Variants in SLC34A3 observed in about 807,000 individuals in gnomAD.
The protein encoded by SLC34A3 is solute carrier family 34 member 3.
Under a neutral mutation model 43.9 loss-of-function variants are expected in SLC34A3, and 60 were observed. The ratio of observed to expected loss-of-function variants is 1.37; its 90% confidence interval spans 1.11 to 1.70. The LOEUF is 1.70. Ranked by LOEUF, SLC34A3 falls within the 40% of genes most tolerant of loss-of-function variation. SLC34A3 has a pLI of 0.00. For synonymous variants in SLC34A3, 451 were observed against 386.2 expected (o/e 1.17, Z -1.97); for missense variants, 969 against 823.8 (o/e 1.18, Z -2.16).
rs761000953 is a variant in SLC34A3, at chr9:137,232,993, C to G, written c.449-11C>G. On this transcript the variant is annotated splice_polypyrimidine_tract_variant and intron_variant, in intron 5 of 12. Transcript: ENST00000673835. ...GTGGGCCGCAGGCTGACTCAGCCCC[C>G]CCACCAGCAGTGCTGACTGTCCGGG... 6 of 1,610,730 alleles carry G rather than the reference C, an allele frequency of 3.7e-6. No individual in the cohort carries two copies. Among genetic ancestry groups the G allele is most frequent in the East Asian group, 2.2e-5 (1 of 44,786 alleles).
rs763500674 is a variant in SLC34A3 at position 137,236,438 on chromosome 9, G to A, written c.*22G>A. 1.2e-4 allele frequency: 185 copies of A among 1,530,380 alleles called. No individual in the cohort carries two copies. Among genetic ancestry groups the A allele is most frequent in the South Asian group, 6.1e-4 (51 of 83,934 alleles). 94.8% of individuals were successfully genotyped at this position (1,530,380 alleles called of 1,614,324 possible). A position where few individuals can be genotyped will look rare whatever the true frequency, so the allele number is the denominator to read the frequency against. On this transcript the variant is annotated 3_prime_UTR_variant, in exon 13 of 13. Transcript: ENST00000673835. ...GTGACGGGCAGTTGCTGAGCAGACCGCCCCACCCTCCCCGGCTGGGAGGGC... is the reference window on the plus strand; with the variant it reads ...GTGACGGGCAGTTGCTGAGCAGACCACCCCACCCTCCCCGGCTGGGAGGGC...
rs1273229869 is a variant in SLC34A3 at position 137,232,793 on chromosome 9, C to T, written c.314C>T (p.Ala105Val). The T allele has an allele frequency of 6.2e-7, 1 of 1,613,052 alleles. No homozygotes were observed. Among genetic ancestry groups the T allele is most frequent in the South Asian group, 1.1e-5 (1 of 91,090 alleles). The change falls in exon 5 of 13, where the codon GCC (alanine) becomes GTC (valine). Residue 105 changes from alanine (A) to valine (V), a missense_variant. Coordinates refer to ENST00000673835, the MANE Select transcript of SLC34A3 (RefSeq NM_001177316.2). ...TCTCTTGCCGGTGTAGGCAAAGTGGCCGGAGACATCTTCAAGGACAACGTG... is the reference window on the plus strand; with the variant it reads ...TCTCTTGCCGGTGTAGGCAAAGTGGTCGGAGACATCTTCAAGGACAACGTG... ...SAFQLLGSKV[A>V]GDIFKDNVVL...
chr9:137,236,286 A>G lies in SLC34A3; in HGVS notation c.1670A>G (p.His557Arg). 6.5e-7 allele frequency: 1 copy of G among 1,542,026 alleles called. No homozygotes were observed. Among genetic ancestry groups the G allele is most frequent in the Non-Finnish European group, 8.7e-7 (1 of 1,146,598 alleles). ...TGGGCCTGGCTCCCCGTCTGGCTCC[A>G]TTCTCTGGAGCCCTGGGACCGCCTG... Reference protein sequence around the residue: ...RSWAWLPVWLHSLEPWDRLVT... With the variant: ...RSWAWLPVWLRSLEPWDRLVT... The change falls in exon 13 of 13, where the codon CAT becomes CGT. Residue 557 changes from histidine to arginine, a missense_variant. Transcript: ENST00000673835.
Position 137,231,646 on chromosome 9 carries a change from G to A in SLC34A3, c.-39-18G>A, listed in dbSNP as rs532571102. 9 of 1,406,760 alleles carry A rather than the reference G, an allele frequency of 6.4e-6. No homozygotes were observed. The African/African-American group carries it at 8.5e-5, about 13-fold the overall frequency. The allele number at this position is 1,406,760 out of a possible 1,614,324, so 87.1% of individuals were successfully genotyped here. ...GGGCAGGAGGAAATGTCTCTGACAC[G>A]CGCGTCCCCCCCAGCAGATCTAGAC... is the stretch of plus-strand genomic sequence containing the variant. On this transcript the variant is annotated intron_variant, in intron 1 of 12. Transcript: ENST00000673835.
intron 1 of SLC34A3, 26 bp from the exon 2 acceptor site, chr9:137,231,638 T>C: frequency 7.3e-7 from 1 of 1,372,358 alleles, no homozygotes; most frequent in Non-Finnish European, 1.0e-6. Context: ...AGGAAATGTC[T>C]CTGACACGCG....
rs1183382900 is a variant in SLC34A3 at position 137,235,908 on chromosome 9, C to T, written c.1336-44C>T. 4.4e-6 allele frequency: 7 copies of T among 1,594,164 alleles called. No individual in the cohort carries two copies. The South Asian group carries it at 7.7e-5, about 18-fold the overall frequency. On this transcript the variant is annotated intron_variant, in intron 12 of 12. Transcript: ENST00000673835. ...CAGGGGTCCGGGGCCCCTGGTGACC[C>T]CACCTCGTTGGGCCCAGGCCCCTGA...
chr9:137,233,599 T>C, intron 7 of SLC34A3, 34 bp from the exon 8 acceptor site: 2 of 1,599,994 alleles, frequency 1.3e-6, no homozygotes, highest in South Asian at 1.1e-5. Flanking sequence ...TGAGAGAGGG[T>C]GCAGCACACC....
Position 137,233,080 on chromosome 9 carries a change from A to G in SLC34A3, c.525A>G (p.Ser175=). 1 of 1,608,632 alleles carries G rather than the reference A, an allele frequency of 6.2e-7. No individual in the cohort carries two copies. The highest frequency in any genetic ancestry group is 8.5e-7 in the Non-Finnish European group (1 of 1,178,320). ...VGTSITSTLV[S]MAQSGDRDEF... is the part of the protein sequence containing the mutation. ...CATCCATCACCAGCACCCTGGTCTC[A>G]ATGGCGCAGTCAGGGGACCGGGATG... The change falls in exon 6 of 13, where the codon TCA becomes TCG. Residue 175 remains serine, a synonymous_variant. Transcript: ENST00000673835.
chr9:137,231,880 C>G, intron 2 of SLC34A3, 93 bp downstream of exon 2: 1 of 1,251,314 alleles, frequency 8.0e-7, no homozygotes, highest in South Asian at 1.2e-5. Flanking sequence ...CTGCGGGCCT[C>G]CCGGGGAACC....
intron 12 of SLC34A3, among the ~76,000 whole-genome samples, chr9:137,235,005 C>T (rs902716115): frequency 6.6e-6 from 1 of 152,208 alleles, no homozygotes; most frequent in African/African-American, 2.4e-5. Context: ...CTGCCCCCAG[C>T]ATCTCAGGGG....
Position 137,234,170 on chromosome 9 carries a change from C to G in SLC34A3, c.987C>G (p.Ala329=). The G allele has an allele frequency of 6.2e-7, 1 of 1,604,078 alleles. No individual in the cohort carries two copies. Among genetic ancestry groups the G allele is most frequent in the Middle Eastern group, 1.7e-4 (1 of 6,012 alleles). Residue 329 remains alanine, a synonymous_variant, in exon 10 of 13, where the codon GCC becomes GCG. Transcript: ENST00000673835. The surrounding 1 kb of genome is among the most constrained non-coding windows in gnomAD (Gnocchi z 6.9). The stretch of plus-strand genomic sequence containing the variant: ...TGGCCGTGGGCTGCATCCTGCTGGC[C>G]GGCTCCCTGCTGGTGCTCTGCGGCT... ...TDLAVGCILL[A]GSLLVLCGCL...
At chr9:137,232,012 G>A in intron 2 of SLC34A3, 60 bp from the exon 3 acceptor site, 1 of 1,522,702 alleles carries the variant, frequency 6.6e-7, no homozygotes, top group Non-Finnish European at 9.1e-7. Flanking sequence ...CTGTGCCCTT[G>A]TGCCCCCAGT....
At chr9:137,231,596 A>T in intron 1 of SLC34A3, 68 bp from the exon 2 acceptor site, 2 of 1,000,434 alleles carry the variant, frequency 2.0e-6, no homozygotes, top group Non-Finnish European at 3.2e-6. Context: ...CAGGGGTGTG[A>T]ATCCAGCTTG....
chr9:137,230,294 GGCCGC>G (rs1039248078), upstream of SLC34A3, among the ~76,000 whole-genome samples: 1 of 152,154 alleles, frequency 6.6e-6, no homozygotes, highest in Non-Finnish European at 1.5e-5. Context: ...GGAGGCTGCC[GGCCGC>G]CGTCGCTGGC....
chr9:137,233,779 T>TTGGGGGCCCCCCCCCCCC, intron 8 of SLC34A3, 57 bp downstream of exon 8: 3 of 1,445,786 alleles, frequency 2.1e-6, no homozygotes, highest in Non-Finnish European at 2.9e-6. Context: ...TGCTGAGTCA[T>TTGGGGGCCCCCCCCCCCC]CCCGCCCCAC....
In SLC34A3 at chr9:137,233,742, G is replaced by C. The variant is rs778865620; in HGVS notation, c.846+20G>C. On this transcript the variant is annotated intron_variant, in intron 8 of 12. Transcript: ENST00000673835. ...CAGCCGGTGAGGCACCCAACCCTAGGCCCTCACTGACCCCCAACCTCCCAC... is the reference window on the plus strand; with the variant it reads ...CAGCCGGTGAGGCACCCAACCCTAGCCCCTCACTGACCCCCAACCTCCCAC... The C allele has an allele frequency of 6.2e-7, 1 of 1,610,428 alleles. No individual in the cohort carries two copies. Among genetic ancestry groups the C allele is most frequent in the South Asian group, 1.1e-5 (1 of 91,000 alleles).
Position 137,232,570 on chromosome 9 carries a change from C to T in SLC34A3, c.176-5C>T, listed in dbSNP as rs999388892. 15 of 1,611,580 alleles carry T rather than the reference C, an allele frequency of 9.3e-6. No individual in the cohort carries two copies. The highest frequency in any genetic ancestry group is 1.2e-5 in the Non-Finnish European group (14 of 1,179,436). On this transcript the variant is annotated splice_polypyrimidine_tract_variant and splice_region_variant and intron_variant, in intron 3 of 12. Coordinates refer to ENST00000673835, the MANE Select transcript of SLC34A3 (RefSeq NM_001177316.2). ...AGCCAGGGACAGCCTGCCCTGTGTC[C>T]TCAGAGCTCCGCGTGGCCGGCAGGC...
At position 137,234,548 on chromosome 9, in the gene SLC34A3, AGAGGCCTCGGGAAC is replaced by A. The variant is rs1836476108; in HGVS notation, c.1210+18_1210+31del. On this transcript the variant is annotated intron_variant, in intron 11 of 12. Coordinates refer to ENST00000673835, the MANE Select transcript of SLC34A3 (RefSeq NM_001177316.2). The surrounding 1 kb of genome is among the most constrained non-coding windows in gnomAD (Gnocchi z 6.9). ...CCCCTCATGGGTGAGCAGGCAGGAC[AGAGGCCTCGGGAAC>A]GGGGGCTCGGGCTGGGGTCCTGTGG... is the stretch of plus-strand genomic sequence containing the variant. 1 of 1,609,130 alleles carries A rather than the reference AGAGGCCTCGGGAAC, an allele frequency of 6.2e-7. No homozygotes were observed. Among genetic ancestry groups the A allele is most frequent in the African/African-American group, 1.3e-5 (1 of 74,870 alleles).
rs1008427582 is a variant in SLC34A3 at position 137,233,271 on chromosome 9, C to T, written c.623C>T (p.Pro208Leu). The T allele has an allele frequency of 4.4e-6, 7 of 1,583,874 alleles. No homozygotes were observed. Among genetic ancestry groups the T allele is most frequent in the Non-Finnish European group, 5.1e-6 (6 of 1,165,180 alleles). The change falls in exon 7 of 13, where the codon CCA (proline) becomes CTA (leucine). Residue 208 changes from proline (P) to leucine (L), a missense_variant. Coordinates refer to ENST00000673835, the MANE Select transcript of SLC34A3 (RefSeq NM_001177316.2). ...TGGCTCACAGTGCTGGTCCTGCTGC[C>T]ACTGGAGAGCGCCACGGCCCTGCTG... ...FNWLTVLVLL[P>L]LESATALLER...
Sources: allele counts gnomAD v4.1 joint callset (sites outside exome capture counted in the v4.1 genomes callset), GRCh38; gene constraint gnomAD v4.1.1; non-coding constraint Gnocchi (gnomAD v3.1); transcripts MANE v1.5; gene names NCBI Gene and HGNC (gene_info 2026-07-23, HGNC 2026-07-21).